The following COMMD10 variants were observed in gnomAD, a reference collection of about 807,000 sequenced individuals.
COMMD10 encodes the protein COMM domain containing 10.
A neutral mutation model predicts 28.9 loss-of-function variants in COMMD10; 33 were observed. The ratio of observed to expected loss-of-function variants is 1.14; its 90% CI spans 0.87 to 1.53. The LOEUF is 1.53. Among genes scored for constraint, COMMD10 ranks in the 40% most tolerant of loss-of-function variants. COMMD10 has a pLI of 0.00. For missense variants in COMMD10, 310 were observed against 233.4 expected, an observed-to-expected ratio of 1.33 and a Z score of -2.14; for synonymous variants, 110 against 81.7, an observed-to-expected ratio of 1.35 and a Z score of -1.87.
intron 5 of COMMD10, among the ~76,000 whole-genome samples, chr5:116,134,870 C>T (rs951975369): frequency 5.3e-5 from 8 of 152,182 alleles, no homozygotes; most frequent in African/African-American, 1.4e-4. Context: ...ATCCACCCCC[C>T]TCAGCCTCCC....
rs562746460 is a variant in COMMD10, at chr5:116,272,601, T to A, written c.511-18916T>A. ...ATCTCTTGGTAGCCATTGTTCTGAC[T>A]GTGCTTTGTCTTCAGGATCATACTG... is the stretch of plus-strand genomic sequence containing the variant. On this transcript the variant is annotated intron_variant, in intron 5 of 6. Transcript: ENST00000274458. Among the ~76,000 whole-genome samples, 8 of 151,890 alleles carry A rather than the reference T, an allele frequency of 5.3e-5. No individual in the cohort carries two copies. The East Asian group carries it at 1.5e-3, about 29-fold the overall frequency.
Position 116,279,609 on chromosome 5 carries a change from A to C in COMMD10, c.511-11908A>C, listed in dbSNP as rs543766723. Among the ~76,000 whole-genome samples the C allele has an allele frequency of 8.6e-5, 13 of 151,950 alleles. No homozygotes were observed. In the South Asian group the frequency reaches 2.7e-3, roughly 31 times the overall value. On this transcript the variant is annotated intron_variant, in intron 5 of 6. Transcript: ENST00000274458. Reference sequence around the variant, plus strand: ...AGCTGAAATTCAGGTGAAAATGATAATTATGTAGTATATTCACTGGACTAA... The same window carrying C: ...AGCTGAAATTCAGGTGAAAATGATACTTATGTAGTATATTCACTGGACTAA...
At chr5:116,192,688 A>T (rs1748400949) in intron 5 of COMMD10, among the ~76,000 whole-genome samples, 1 of 152,226 alleles carries the variant, frequency 6.6e-6, no homozygotes, top group Admixed American at 6.5e-5. Flanking sequence ...CAAACCTAAG[A>T]ATAATCAGTA....
intron 5 of COMMD10, among the ~76,000 whole-genome samples, chr5:116,134,592 A>G (rs1751970826): frequency 6.6e-6 from 1 of 152,110 alleles, no homozygotes; most frequent in East Asian, 1.9e-4. Flanking sequence ...GTATGCCTGC[A>G]TGTGTTTAAA....
chr5:116,161,501 G>T (rs1279193409), intron 5 of COMMD10, among the ~76,000 whole-genome samples: 2 of 151,958 alleles, frequency 1.3e-5, no homozygotes, highest in African/African-American at 4.8e-5. Context: ...TATGACTTTT[G>T]ACTCCCCGAG....
intron 5 of COMMD10, among the ~76,000 whole-genome samples, chr5:116,139,901 C>T (rs1281895109): frequency 3.3e-5 from 5 of 151,730 alleles, no homozygotes; most frequent in South Asian, 2.1e-4. Context: ...GGTTAAAGCA[C>T]GTAAAATCTA....
At chr5:116,249,953 G>A (rs935690047) in intron 5 of COMMD10, among the ~76,000 whole-genome samples, 1 of 151,814 alleles carries the variant, frequency 6.6e-6, no homozygotes, top group African/African-American at 2.4e-5. Context: ...TTAGTGGTAT[G>A]TTTATCATAA....
At chr5:116,230,306 A>G (rs980920460) in intron 5 of COMMD10, among the ~76,000 whole-genome samples, 1 of 152,024 alleles carries the variant, frequency 6.6e-6, no homozygotes, top group African/African-American at 2.4e-5. Context: ...ATTAAGATTG[A>G]GCCGGGGAAC....
chr5:116,107,464 C>T (rs929415165), intron 4 of COMMD10, among the ~76,000 whole-genome samples: 21 of 152,168 alleles, frequency 1.4e-4, no homozygotes, highest in African/African-American at 4.8e-4. Flanking sequence ...TTTGCTTTAT[C>T]GATTCGGCTA....
intron 1 of COMMD10, chr5:116,085,627 C>T (rs1441993987): frequency 6.6e-6 from 1 of 152,516 alleles, no homozygotes; most frequent in Non-Finnish European, 1.5e-5. Flanking sequence ...CTTTTATTTG[C>T]ATTTTAAACA....
At chr5:116,188,393 C>T (rs1323494225) in intron 5 of COMMD10, 1 of 152,062 alleles carries the variant, frequency 6.6e-6, no homozygotes, top group African/African-American at 2.4e-5. Flanking sequence ...GTTCTCCCAA[C>T]AATTGTGTGA....
chr5:116,291,637 T>C, intron 6 of COMMD10, 61 bp downstream of exon 6: 1 of 933,776 alleles, frequency 1.1e-6, no homozygotes, highest in Admixed American at 2.7e-5. Context: ...TTTTGTTTCA[T>C]TTTATGAATT....
chr5:116,189,422 T>G (rs1042573864), intron 5 of COMMD10, among the ~76,000 whole-genome samples: 1 of 152,148 alleles, frequency 6.6e-6, no homozygotes, highest in Non-Finnish European at 1.5e-5. Context: ...TCCTAGGCTG[T>G]CTTTTTTCCA....
chr5:116,115,358 C>T (rs1751198025), intron 4 of COMMD10, among the ~76,000 whole-genome samples: 1 of 152,194 alleles, frequency 6.6e-6, no homozygotes, highest in African/African-American at 2.4e-5. Flanking sequence ...GCCCTGTCCA[C>T]ATTAGCTGTT....
intron 5 of COMMD10, among the ~76,000 whole-genome samples, chr5:116,188,050 A>T (rs1341682776): frequency 6.6e-6 from 1 of 152,186 alleles, no homozygotes; most frequent in African/African-American, 2.4e-5. Flanking sequence ...ACGTCAGTTT[A>T]CAACAGAAGG....
intron 5 of COMMD10, among the ~76,000 whole-genome samples, chr5:116,185,913 T>C (rs1476308836): frequency 2.0e-5 from 3 of 152,118 alleles, no homozygotes; most frequent in African/African-American, 7.2e-5. Flanking sequence ...GTCTTCTCTG[T>C]ACCAACCAGC....
chr5:116,189,590 A>G (rs1419501704), intron 5 of COMMD10, among the ~76,000 whole-genome samples: 3 of 152,168 alleles, frequency 2.0e-5, no homozygotes, highest in Non-Finnish European at 4.4e-5. Flanking sequence ...CAAGAACTGG[A>G]CTAGTACAAT....
intron 4 of COMMD10, among the ~76,000 whole-genome samples, chr5:116,097,298 A>G (rs1185525081): frequency 6.6e-6 from 1 of 152,164 alleles, no homozygotes; most frequent in Non-Finnish European, 1.5e-5. Context: ...TGCTTAAATA[A>G]TATAATGATA....
chr5:116,123,251 C>G (rs559959491), intron 4 of COMMD10, among the ~76,000 whole-genome samples: 3 of 152,028 alleles, frequency 2.0e-5, no homozygotes, highest in Middle Eastern at 3.2e-3. Context: ...CCATCGATAC[C>G]TAATTTATTG....
Sources: gnomAD v4.1 joint callset for allele counts (sites outside exome capture counted in the v4.1 genomes callset) on GRCh38, gnomAD v4.1.1 for gene constraint, MANE v1.5 for transcripts, NCBI Gene and HGNC (gene_info 2026-07-23, HGNC 2026-07-21) for gene names.